The following COL4A6 variants were observed in gnomAD, a reference collection of about 807,000 sequenced individuals.
The protein encoded by COL4A6 is collagen type IV alpha 6 chain.
In COL4A6, 59 loss-of-function variants were observed where a neutral mutation model predicts 126.7. That is an observed-to-expected ratio of 0.47 (90% CI 0.38 to 0.58). The LOEUF (loss-of-function observed/expected upper bound fraction) is 0.58. COL4A6 is among the 20% of genes least tolerant of loss of function. COL4A6 has a pLI of 0.00. For synonymous variants in COL4A6, 547 were observed against 496.6 expected (o/e 1.10, Z -1.35); for missense variants, 1,285 against 1,337.3 (o/e 0.96, Z 0.61).
chrX:108,222,383 A>G (rs1220522563), intron 3 of COL4A6, among the ~76,000 whole-genome samples: 1 of 112,241 alleles, frequency 8.9e-6, no homozygotes, highest in Non-Finnish European at 1.9e-5. Flanking sequence ...TGGCCCCTTT[A>G]CTGACTGTCC....
intron 3 of COL4A6, among the ~76,000 whole-genome samples, chrX:108,278,639 G>T (rs1423634918): frequency 9.2e-6 from 1 of 109,150 alleles, no homozygotes; most frequent in Non-Finnish European, 1.9e-5. Flanking sequence ...GAAATACAGA[G>T]AATGCCACAA....
chrX:108,412,404 C>A (rs1223604698), intron 2 of COL4A6, among the ~76,000 whole-genome samples: 1 of 111,762 alleles, frequency 8.9e-6, no homozygotes, highest in East Asian at 2.8e-4. Flanking sequence ...CATATAGTCT[C>A]TCACGCTTAA....
chrX:108,300,116 C>T (rs1291165713), intron 3 of COL4A6, among the ~76,000 whole-genome samples: 1 of 110,781 alleles, frequency 9.0e-6, no homozygotes, highest in Admixed American at 9.6e-5. Context: ...AGTCCTACCT[C>T]TGGAATCAAG....
chrX:108,201,460 C>T (rs2035390888), intron 13 of COL4A6, among the ~76,000 whole-genome samples: 1 of 111,630 alleles, frequency 9.0e-6, no homozygotes, highest in Admixed American at 9.5e-5. Flanking sequence ...TTGAATTCTG[C>T]CTTGTTAACT....
intron 2 of COL4A6, among the ~76,000 whole-genome samples, chrX:108,356,139 C>T (rs1397495903): frequency 2.2e-5 from 2 of 91,665 alleles, no homozygotes; most frequent in African/African-American, 8.1e-5. Context: ...TGATGCTCCC[C>T]TTCCTGTATC....
chrX:108,317,595 A>G (rs979444923), intron 2 of COL4A6, among the ~76,000 whole-genome samples: 1 of 111,624 alleles, frequency 9.0e-6, no homozygotes, highest in Non-Finnish European at 1.9e-5. Context: ...ATCTTGAATT[A>G]ATTTTCGTAT....
intron 2 of COL4A6, among the ~76,000 whole-genome samples, chrX:108,318,001 C>G (rs1207799157): frequency 9.0e-6 from 1 of 111,563 alleles, no homozygotes; most frequent in Non-Finnish European, 1.9e-5. Flanking sequence ...GGCATTGAAT[C>G]TATAAATTAC....
intron 3 of COL4A6, among the ~76,000 whole-genome samples, chrX:108,242,996 T>G (rs943205459): frequency 8.1e-5 from 9 of 111,585 alleles, no homozygotes; most frequent in Admixed American, 6.7e-4. Flanking sequence ...CTAGATACTC[T>G]CAATCAGTTC....
At chrX:108,405,959 T>C (rs1428502293) in intron 2 of COL4A6, among the ~76,000 whole-genome samples, 2 of 111,113 alleles carry the variant, frequency 1.8e-5, no homozygotes, top group Non-Finnish European at 3.8e-5. Flanking sequence ...CTGCCAATTT[T>C]ACCTCCTATT....
At chrX:108,384,764 A>ATTC (rs2040645613) in intron 2 of COL4A6, among the ~76,000 whole-genome samples, 4 of 112,393 alleles carry the variant, frequency 3.6e-5, no homozygotes, top group Admixed American at 9.4e-5. Flanking sequence ...TCTCATTTTA[A>ATTC]GATGAGGAAA....
At chrX:108,374,639 C>T (rs2040399281) in intron 2 of COL4A6, among the ~76,000 whole-genome samples, 1 of 112,134 alleles carries the variant, frequency 8.9e-6, no homozygotes, top group Non-Finnish European at 1.9e-5. Flanking sequence ...TAATCTCCTG[C>T]CTTTTTAATC....
chrX:108,187,813 C>G, intron 22 of COL4A6, 35 bp downstream of exon 22: 1 of 1,162,712 alleles, frequency 8.6e-7, no homozygotes, highest in South Asian at 2.0e-5. Flanking sequence ...GTGTGAAGAT[C>G]TGTAGAGCTA....
At chrX:108,183,322 C>A (rs2034742890) in intron 23 of COL4A6, among the ~76,000 whole-genome samples, 1 of 111,993 alleles carries the variant, frequency 8.9e-6, no homozygotes, top group South Asian at 3.8e-4. Context: ...TTTTAACATC[C>A]CAATTTGTTC....
At chrX:108,324,697 T>G (rs1215509741) in intron 2 of COL4A6, among the ~76,000 whole-genome samples, 1 of 112,353 alleles carries the variant, frequency 8.9e-6, no homozygotes, top group Non-Finnish European at 1.9e-5. Context: ...ATTCTGTTAT[T>G]TGTTAATTAT....
chrX:108,235,506 T>G (rs1375526218), intron 3 of COL4A6, among the ~76,000 whole-genome samples: 1 of 111,215 alleles, frequency 9.0e-6, no homozygotes, highest in Non-Finnish European at 1.9e-5. Context: ...TGTCTAGCAT[T>G]TAACTCAAAG....
At chrX:108,361,309 C>T (rs1269189129) in intron 2 of COL4A6, among the ~76,000 whole-genome samples, 4 of 111,177 alleles carry the variant, frequency 3.6e-5, no homozygotes, top group African/African-American at 1.3e-4. Context: ...AGATTACTTC[C>T]CCAATACAAA....
chrX:108,258,417 G>A (rs2037066748), intron 3 of COL4A6, among the ~76,000 whole-genome samples: 1 of 111,818 alleles, frequency 8.9e-6, no homozygotes, highest in South Asian at 3.7e-4. Flanking sequence ...GAGTCTTCCA[G>A]TGGAAACTGG....
intron 3 of COL4A6, among the ~76,000 whole-genome samples, chrX:108,297,517 A>G (rs769892225): frequency 1.8e-5 from 2 of 110,763 alleles, no homozygotes; most frequent in East Asian, 5.7e-4. Flanking sequence ...GGCAACCAAA[A>G]ATGTTCCCAG....
intron 31 of COL4A6, among the ~76,000 whole-genome samples, chrX:108,174,061 G>C (rs767682434): frequency 1.8e-5 from 2 of 112,324 alleles, no homozygotes; most frequent in Non-Finnish European, 3.8e-5. Flanking sequence ...ATCTCATTGA[G>C]GAAGTCAGAC....
Sources: allele counts gnomAD v4.1 joint callset (sites outside exome capture counted in the v4.1 genomes callset), GRCh38; gene constraint gnomAD v4.1.1; transcripts MANE v1.5; gene names NCBI Gene and HGNC (gene_info 2026-07-23, HGNC 2026-07-21).